The following FAM168B variants were observed in gnomAD, a reference collection of about 807,000 sequenced individuals.
FAM168B encodes family with sequence similarity 168 member B.
Under a neutral mutation model 21.8 loss-of-function variants are expected in FAM168B, and 19 were observed. The ratio of observed to expected loss-of-function variants is 0.87; its 90% CI spans 0.61 to 1.28. The LOEUF (loss-of-function observed/expected upper bound fraction) is 1.28, where lower values mean the gene tolerates loss of function less well. Among genes scored for constraint, FAM168B ranks in the 50% most tolerant of loss-of-function variants. FAM168B has a pLI of 0.00. For synonymous variants in FAM168B, 126 were observed against 104.8 expected, an observed-to-expected ratio of 1.20 and a Z score of -1.24; for missense variants, 233 against 263.1, an observed-to-expected ratio of 0.89 and a Z score of 0.79.
At chr2:131,092,259 A>G (rs971178145) in intron 1 of FAM168B, among the ~76,000 whole-genome samples, 2 of 152,218 alleles carry the variant, frequency 1.3e-5, no homozygotes, top group African/African-American at 4.8e-5. Flanking sequence ...CTTTGTAAAG[A>G]CAAAGAGAAG....
Position 131,049,892 on chromosome 2 carries a change from G to GT in FAM168B, c.*2572dup. 1.0e-6 allele frequency: 1 copy of GT among 985,672 alleles called. No homozygotes were observed. Among genetic ancestry groups the GT allele is most frequent in the Non-Finnish European group, 1.2e-6 (1 of 829,928 alleles). 61.1% of individuals were successfully genotyped at this position (985,672 alleles called of 1,614,324 possible). A position where few individuals can be genotyped will look rare whatever the true frequency, so the allele number is the denominator to read the frequency against. ...GACTTTAATTTTACTAGAAGCGAAT[G>GT]TTGATAAAATTACAACCTATGACAG... On this transcript the variant is annotated 3_prime_UTR_variant, in exon 7 of 7. Coordinates refer to ENST00000389915, the MANE Select transcript of FAM168B (RefSeq NM_001009993.4).
At chr2:131,056,145 T>A (rs1172644730) in intron 3 of FAM168B, among the ~76,000 whole-genome samples, 1 of 152,152 alleles carries the variant, frequency 6.6e-6, no homozygotes, top group East Asian at 1.9e-4. Context: ...AGCATGCTCA[T>A]CATAGTGTTG....
Position 131,049,362 on chromosome 2 carries a change from AG to A in FAM168B, c.*3102del, listed in dbSNP as rs1425860979. The A allele has an allele frequency of 3.9e-5, 38 of 985,482 alleles. No homozygotes were observed. The highest frequency in any genetic ancestry group is 2.4e-4 in the South Asian group (5 of 21,260). The allele number at this position is 985,482 out of a possible 1,614,324, so 61.0% of individuals were successfully genotyped here. ...TGTGAACACATTTGCATAGCACTCA[AG>A]AAGGTTTCCCAGAATAGCGACAGGT... is the stretch of plus-strand genomic sequence containing the variant. On this transcript the variant is annotated 3_prime_UTR_variant, in exon 7 of 7. Coordinates refer to ENST00000389915, the MANE Select transcript of FAM168B (RefSeq NM_001009993.4).
At position 131,050,950 on chromosome 2, in the gene FAM168B, C is replaced by A. The variant is rs1318877879; in HGVS notation, c.*1515G>T. The A allele has an allele frequency of 1.0e-6, 1 of 985,546 alleles. No individual in the cohort carries two copies. Among genetic ancestry groups the A allele is most frequent in the Non-Finnish European group, 1.2e-6 (1 of 830,048 alleles). 61.1% of individuals were successfully genotyped at this position (985,546 alleles called of 1,614,324 possible). On this transcript the variant is annotated 3_prime_UTR_variant, in exon 7 of 7. Transcript: ENST00000389915. ...CCCCACTCTGACCCTCACTGAGAAC[C>A]GACATGCACTCTCATGGATACAGGA...
intron 1 of FAM168B, among the ~76,000 whole-genome samples, chr2:131,085,167 A>G (rs1423841276): frequency 6.6e-6 from 1 of 152,196 alleles, no homozygotes; most frequent in Non-Finnish European, 1.5e-5. Flanking sequence ...GACCTAAAAA[A>G]AAGTCTATTT....
chr2:131,055,495 G>C (rs746860693), intron 4 of FAM168B, 46 bp from the exon 5 acceptor site: 7 of 1,601,266 alleles, frequency 4.4e-6, no homozygotes, highest in Non-Finnish European at 6.0e-6. Context: ...CAGGGCCAAA[G>C]GATGAACGCC....
At chr2:131,059,909 C>T (rs1692208690) in intron 3 of FAM168B, among the ~76,000 whole-genome samples, 1 of 152,224 alleles carries the variant, frequency 6.6e-6, no homozygotes, top group South Asian at 2.1e-4. Flanking sequence ...AGGAAAGTGG[C>T]AGGGGCCCAG....
intron 1 of FAM168B, among the ~76,000 whole-genome samples, chr2:131,092,975 G>A (rs1051622634): frequency 6.6e-6 from 1 of 151,740 alleles, no homozygotes; most frequent in Admixed American, 6.6e-5. Flanking sequence ...AAGCCACCTC[G>A]GCCACCTAGG....
intron 1 of FAM168B, 99 bp from the exon 2 acceptor site, chr2:131,082,756 G>A: frequency 1.4e-6 from 1 of 707,736 alleles, no homozygotes; most frequent in South Asian, 1.9e-5. Context: ...CCTTTCTCTA[G>A]GCTGCTATAA....
At chr2:131,085,693 A>G (rs537617416) in intron 1 of FAM168B, among the ~76,000 whole-genome samples, 1 of 152,236 alleles carries the variant, frequency 6.6e-6, no homozygotes, top group East Asian at 1.9e-4. Context: ...TAACTAAAAC[A>G]TTCATTACCT....
At chr2:131,058,007 T>C (rs1428816303) in intron 3 of FAM168B, among the ~76,000 whole-genome samples, 2 of 152,160 alleles carry the variant, frequency 1.3e-5, no homozygotes, top group Non-Finnish European at 2.9e-5. Context: ...ATTTTTGTAA[T>C]TTTTAGTATA....
rs577058487 is a variant in FAM168B at position 131,048,800 on chromosome 2, CAG to C, written c.*3663_*3664del. ...CTTTAGAGACCCTCTCAGAAAGCAC[CAG>C]AGAGGAGGACCAGACGCTGCCACCC... On this transcript the variant is annotated 3_prime_UTR_variant, in exon 7 of 7. Transcript: ENST00000389915. 2.1e-4 allele frequency: 209 copies of C among 986,182 alleles called. No homozygotes were observed. Among genetic ancestry groups the C allele is most frequent in the Non-Finnish European group, 2.5e-4 (204 of 830,312 alleles). 61.1% of individuals were successfully genotyped at this position (986,182 alleles called of 1,614,324 possible).
intron 3 of FAM168B, among the ~76,000 whole-genome samples, chr2:131,071,645 T>C (rs1301600319): frequency 1.3e-5 from 2 of 152,198 alleles, no homozygotes; most frequent in East Asian, 3.9e-4. Context: ...ATTACAGATT[T>C]GCCTTGTGGG....
intron 3 of FAM168B, among the ~76,000 whole-genome samples, chr2:131,058,923 T>C (rs1692162225): frequency 6.6e-6 from 1 of 152,172 alleles, no homozygotes; most frequent in Admixed American, 6.5e-5. Flanking sequence ...AAAGGTAGTG[T>C]GAATGCCATC....
rs1316523286 is a variant in FAM168B, at chr2:131,048,114, C to T, written c.*4351G>A. 8.9e-7 allele frequency: 1 copy of T among 1,124,408 alleles called. No homozygotes were observed. The highest frequency in any genetic ancestry group is 1.1e-6 in the Non-Finnish European group (1 of 870,622). The allele number at this position is 1,124,408 out of a possible 1,614,324, so 69.7% of individuals were successfully genotyped here. On this transcript the variant is annotated 3_prime_UTR_variant, in exon 7 of 7. Transcript: ENST00000389915. ...ATGCCTTTAACACTGGAAGACAATG[C>T]TGACTTAGCTTAAAAAAAGTACCGA...
At chr2:131,082,165 G>C (rs916678879) in intron 2 of FAM168B, among the ~76,000 whole-genome samples, 1 of 152,176 alleles carries the variant, frequency 6.6e-6, no homozygotes, top group East Asian at 1.9e-4. Flanking sequence ...TGGATGCTGA[G>C]TTTAATCAGA....
chr2:131,085,028 C>T (rs1411039987), intron 1 of FAM168B, among the ~76,000 whole-genome samples: 1 of 152,126 alleles, frequency 6.6e-6, no homozygotes, highest in African/African-American at 2.4e-5. Flanking sequence ...TGGTAAATCA[C>T]TCACTGACGT....
intron 3 of FAM168B, among the ~76,000 whole-genome samples, chr2:131,058,524 T>A (rs926681501): frequency 1.3e-5 from 2 of 152,170 alleles, no homozygotes; most frequent in Non-Finnish European, 1.5e-5. Flanking sequence ...CCTCAGCTAG[T>A]CTCCATTTGA....
Position 131,052,253 on chromosome 2 carries a change from C to T in FAM168B, c.*212G>A. 1 of 985,886 alleles carries T rather than the reference C, an allele frequency of 1.0e-6. No individual in the cohort carries two copies. 61.1% of individuals were successfully genotyped at this position (985,886 alleles called of 1,614,324 possible). A position where few individuals can be genotyped will look rare whatever the true frequency, so the allele number is the denominator to read the frequency against. On this transcript the variant is annotated 3_prime_UTR_variant, in exon 7 of 7. Coordinates refer to ENST00000389915, the MANE Select transcript of FAM168B (RefSeq NM_001009993.4). ...GTTAGCTAAAAAATTGCCAGGCAGT[C>T]CACAAAACAGAATTTGCTTTAAGAC... is the stretch of plus-strand genomic sequence containing the variant.
Sources: gnomAD v4.1 joint callset for allele counts (sites outside exome capture counted in the v4.1 genomes callset) on GRCh38, gnomAD v4.1.1 for gene constraint, MANE v1.5 for transcripts, NCBI Gene and HGNC (gene_info 2026-07-23, HGNC 2026-07-21) for gene names.